Variants in CFAP46 observed in about 807,000 individuals in gnomAD.
CFAP46 encodes cilia- and flagella-associated protein 46.
CFAP46 carries 245 observed loss-of-function variants against 325.7 expected under a neutral mutation model. The observed-to-expected ratio is 0.75, with a 90% confidence interval of 0.68 to 0.84. CFAP46 has a LOEUF of 0.84. Ranked by LOEUF, CFAP46 falls within the 40% of genes least tolerant of loss-of-function variation. The pLI, the probability that CFAP46 is intolerant of heterozygous loss-of-function variation, is 0.00. For missense variants in CFAP46, 3,346 were observed against 3,543.0 expected (o/e 0.94, Z 1.41); for synonymous variants, 1,523 against 1,495.9 (o/e 1.02, Z -0.42).
At chr10:132,836,329 T>G (rs1848247337) in intron 45 of CFAP46, 111 bp from the exon 46 acceptor site, 8 of 971,962 alleles carry the variant, frequency 8.2e-6, no homozygotes, top group Non-Finnish European at 1.3e-5. Flanking sequence ...CTGCAGACCA[T>G]GGACGCCCAG....
intron 41 of CFAP46, among the ~76,000 whole-genome samples, chr10:132,849,790 G>T (rs988041872): frequency 9.2e-5 from 14 of 152,196 alleles, no homozygotes; most frequent in African/African-American, 3.4e-4. Context: ...GGCTGGCCCT[G>T]CTGTGCACTG....
Position 132,912,444 on chromosome 10 carries a change from CCTCTCTCT to C in CFAP46, c.2499+203_2499+210del, listed in dbSNP as rs201102302. Among the ~76,000 whole-genome samples the C allele has an allele frequency of 2.1e-3, 241 of 112,466 alleles. 1 individual carries two copies. The highest frequency in any genetic ancestry group is 3.5e-3 in the Non-Finnish European group (193 of 55,536). The allele number at this position is 112,466 out of a possible 152,430, so 73.8% of individuals were successfully genotyped here. A position where few individuals can be genotyped will look rare whatever the true frequency, so the allele number is the denominator to read the frequency against. On this transcript the variant is annotated intron_variant, in intron 19 of 57. Coordinates refer to ENST00000368586, the MANE Select transcript of CFAP46 (RefSeq NM_001200049.3). ...TCTCTCTCACCTCCCTCTCTCCTCT[CCTCTCTCT>C]CTCTCTTCACCTCTCTCTCTCTTCA...
rs768072819 is a variant in CFAP46, at chr10:132,808,683, CTGGGGATGGGAGCCGGGAGG to C, written c.7866_7885del (p.His2622GlnfsTer?). On this transcript the variant is annotated frameshift_variant, in exon 58 of 58. Coordinates refer to ENST00000368586, the MANE Select transcript of CFAP46 (RefSeq NM_001200049.3). LOFTEE classifies it low-confidence loss of function (END_TRUNC). The surrounding 1 kb of genome is among the most constrained non-coding windows in gnomAD (Gnocchi z 6.8). ...CAGGAAGGGGAGAGCGAGCTGGGAG[CTGGGGATGGGAGCCGGGAGG>C]TGGGGATGGGTTGGCAGAGGGGCAG... is the stretch of plus-strand genomic sequence containing the variant. The C allele has an allele frequency of 6.3e-7, 1 of 1,576,060 alleles. No individual in the cohort carries two copies. The highest frequency in any genetic ancestry group is 1.9e-5 in the Admixed American group (1 of 53,314).
At chr10:132,830,330 G>T (rs991350581) in intron 50 of CFAP46, among the ~76,000 whole-genome samples, 2 of 152,136 alleles carry the variant, frequency 1.3e-5, no homozygotes, top group Non-Finnish European at 2.9e-5. Context: ...TTTTAGTAGA[G>T]ATGGGGTTTC....
In CFAP46 at chr10:132,840,302, A is replaced by C. The variant is rs114357767; in HGVS notation, c.6439-3388T>G. On this transcript the variant is annotated intron_variant, in intron 44 of 57. Transcript: ENST00000368586. ...TTTCAATGCCTGCATCATCTCAGGG[A>C]TGGGTCTTTTTCTTACTGATACTGG... Among the ~76,000 whole-genome samples the C allele has an allele frequency of 5.7e-3, 866 of 152,214 alleles. 7 individuals are homozygous for C. Among genetic ancestry groups the C allele is most frequent in the African/African-American group, 0.019 (797 of 41,498 alleles).
chr10:132,810,298 A>T, intron 57 of CFAP46, 111 bp downstream of exon 57: 1 of 897,500 alleles, frequency 1.1e-6, no homozygotes, highest in African/African-American at 1.6e-5. Context: ...CAGGTCCCCC[A>T]CGGAGAAGCG....
chr10:132,867,813 G>A (rs1035308651), intron 33 of CFAP46, among the ~76,000 whole-genome samples: 9 of 152,034 alleles, frequency 5.9e-5, no homozygotes, highest in African/African-American at 9.7e-5. Flanking sequence ...TGTGCCTCCC[G>A]CGGGCACCCC....
At chr10:132,860,620 G>A in intron 36 of CFAP46, 97 bp from the exon 37 acceptor site, 2 of 1,176,818 alleles carry the variant, frequency 1.7e-6, no homozygotes, top group East Asian at 2.6e-5. Context: ...ACGGGCCTGA[G>A]GACAGGCGGG....
At chr10:132,861,575 C>T (rs530833660) in intron 35 of CFAP46, among the ~76,000 whole-genome samples, 59 of 152,330 alleles carry the variant, frequency 3.9e-4, no homozygotes, top group African/African-American at 1.2e-3. Context: ...CCTCCCCATC[C>T]GGGGGCCTGC....
chr10:132,825,336 G>A (rs1848027462), intron 50 of CFAP46, among the ~76,000 whole-genome samples: 1 of 152,182 alleles, frequency 6.6e-6, no homozygotes, highest in African/African-American at 2.4e-5. Flanking sequence ...TGTGTGCTGT[G>A]TGTGTCCACC....
rs951781009 is a variant in CFAP46 at position 132,922,691 on chromosome 10, C to T, written c.1274G>A (p.Arg425His). The T allele has an allele frequency of 7.8e-6, 12 of 1,548,180 alleles. No homozygotes were observed. Among genetic ancestry groups the T allele is most frequent in the Admixed American group, 5.9e-5 (3 of 50,968 alleles). The change falls in exon 12 of 58, where the codon CGC (arginine) becomes CAC (histidine). Residue 425 changes from arginine (R) to histidine (H), a missense_variant. Transcript: ENST00000368586. The stretch of plus-strand genomic sequence containing the variant: ...CGCCATCTCCATGTGCACTTGACAG[C>T]GGAGAAGCGTCATGAGGCTGCGGGG... ...EKLDSLMTLL[R>H]CQVHMEMAQI...
At chr10:132,820,584 T>C (rs367655591) in intron 50 of CFAP46, among the ~76,000 whole-genome samples, 36 of 142,796 alleles carry the variant, frequency 2.5e-4, no homozygotes, top group South Asian at 9.4e-4. Context: ...TGCGCTGATG[T>C]GTGCTGTGTG....
rs763130151 is a variant in CFAP46 at position 132,857,710 on chromosome 10, G to A, written c.5454C>T (p.Ala1818=). 2.5e-5 allele frequency: 41 copies of A among 1,612,356 alleles called. 1 individual carries two copies. Among genetic ancestry groups the A allele is most frequent in the South Asian group, 1.9e-4 (17 of 90,710 alleles). Residue 1818 remains alanine, a synonymous_variant, in exon 39 of 58, where the codon GCC becomes GCT. Coordinates refer to ENST00000368586, the MANE Select transcript of CFAP46 (RefSeq NM_001200049.3). The part of the protein sequence containing the change: ...YLEAYGLAQG[A]VAEEEGRLHS... ...GAAGCCTCCCTTCTTCCTCAGCTACGGCACCCTGGGCCAGGCCATACGCTT... is the reference window on the plus strand; with the variant it reads ...GAAGCCTCCCTTCTTCCTCAGCTACAGCACCCTGGGCCAGGCCATACGCTT...
chr10:132,827,938 C>T lies in CFAP46; in HGVS notation c.7117+5420G>A, dbSNP rs139702540. Reference sequence around the variant, plus strand: ...CTTCTGAGTGAGCCCCGTCACCCCTCGGCGTAATCCTTCTGAGTGAGCCCC... The same window carrying T: ...CTTCTGAGTGAGCCCCGTCACCCCTTGGCGTAATCCTTCTGAGTGAGCCCC... On this transcript the variant is annotated intron_variant, in intron 50 of 57. Transcript: ENST00000368586. The surrounding 1 kb of genome is among the most constrained non-coding windows in gnomAD (Gnocchi z 5.7). Among the ~76,000 whole-genome samples the T allele has an allele frequency of 4.6e-5, 7 of 152,070 alleles. No homozygotes were observed. Among genetic ancestry groups the T allele is most frequent in the East Asian group, 1.9e-4 (1 of 5,190 alleles).
At chr10:132,916,033 G>C (rs1354234873) in intron 17 of CFAP46, among the ~76,000 whole-genome samples, 1 of 152,198 alleles carries the variant, frequency 6.6e-6, no homozygotes, top group African/African-American at 2.4e-5. Context: ...CCTCACGTCA[G>C]CAAATCCTGT....
At chr10:132,845,652 C>A (rs73391253) in intron 44 of CFAP46, among the ~76,000 whole-genome samples, 10,553 of 152,332 alleles carry the variant, frequency 0.069, 906 homozygotes, top group African/African-American at 0.2. Context: ...GCTCCACAGA[C>A]ATGTTTCTCA....
At chr10:132,880,496 C>T (rs1269766567) in intron 28 of CFAP46, among the ~76,000 whole-genome samples, 1 of 152,206 alleles carries the variant, frequency 6.6e-6, no homozygotes, top group East Asian at 1.9e-4. Flanking sequence ...TGCTCTGGAC[C>T]CCCGCTCCCC....
intron 50 of CFAP46, among the ~76,000 whole-genome samples, chr10:132,816,400 C>T (rs1847695843): frequency 6.8e-6 from 1 of 147,726 alleles, no homozygotes; most frequent in African/African-American, 2.5e-5. Flanking sequence ...GGCGCGATCT[C>T]GGCTCACTGC....
At chr10:132,837,937 G>GGACACAGACACGCACGTGTGCACA (rs1564773003) in intron 44 of CFAP46, among the ~76,000 whole-genome samples, 1 of 149,328 alleles carries the variant, frequency 6.7e-6, no homozygotes, top group Admixed American at 6.6e-5. Context: ...AGACATGCAC[G>GGACACAGACACGCACGTGTGCACA]GACACAGACA....
Sources: allele counts gnomAD v4.1 joint callset (sites outside exome capture counted in the v4.1 genomes callset), GRCh38; gene constraint gnomAD v4.1.1; non-coding constraint Gnocchi (gnomAD v3.1); transcripts MANE v1.5; gene names NCBI Gene and HGNC (gene_info 2026-07-23, HGNC 2026-07-21).